The following LRIG2 variants were observed in gnomAD, a reference collection of about 807,000 sequenced individuals.
LRIG2 encodes the protein leucine rich repeats and immunoglobulin like domains 2.
In LRIG2, 93 loss-of-function variants were observed where a neutral mutation model predicts 107.8. That is an observed-to-expected ratio of 0.86 (90% CI 0.73 to 1.03). LRIG2 has a LOEUF of 1.03. Ranked by LOEUF, LRIG2 falls within the 50% of genes least tolerant of loss-of-function variation. The pLI is 0.00. For missense variants in LRIG2, 1,226 were observed against 1,296.0 expected (o/e 0.95, Z 0.83); for synonymous variants, 471 against 470.6 (o/e 1.00, Z -0.01).
intron 1 of LRIG2, among the ~76,000 whole-genome samples, chr1:113,085,730 G>A (rs1653518752): frequency 1.3e-5 from 2 of 152,298 alleles, no homozygotes; most frequent in Admixed American, 1.3e-4. Context: ...CTAACAGGAG[G>A]TGGGGTCTCC....
chr1:113,111,738 G>GT (rs1654783660), intron 13 of LRIG2, among the ~76,000 whole-genome samples: 3 of 151,960 alleles, frequency 2.0e-5, no homozygotes, highest in Non-Finnish European at 4.4e-5. Context: ...TTGCTTCTGT[G>GT]TTTTTTAATG....
At chr1:113,106,047 G>C (rs1288356806) in intron 11 of LRIG2, among the ~76,000 whole-genome samples, 1 of 152,112 alleles carries the variant, frequency 6.6e-6, no homozygotes, top group Non-Finnish European at 1.5e-5. Context: ...GGCCAATATG[G>C]TGAAACCCCG....
intron 2 of LRIG2, among the ~76,000 whole-genome samples, chr1:113,092,557 T>G (rs1001685959): frequency 4.4e-5 from 1 of 22,800 alleles, no homozygotes; most frequent in African/African-American, 5.5e-5. Flanking sequence ...ATGGACTGAT[T>G]ATGCCTTCTT....
intron 2 of LRIG2, 140 bp from the exon 3 acceptor site, chr1:113,093,066 T>A: frequency 1.7e-6 from 1 of 578,650 alleles, no homozygotes; most frequent in Non-Finnish European, 3.1e-6. Flanking sequence ...TACATTTTTA[T>A]TTTCGTCTAA....
intron 15 of LRIG2, 108 bp downstream of exon 15, chr1:113,114,984 C>T (rs568821224): frequency 7.4e-6 from 7 of 943,058 alleles, no homozygotes; most frequent in South Asian, 5.0e-5. Context: ...TAGCACATGC[C>T]TGTACTCCCA....
intron 17 of LRIG2, among the ~76,000 whole-genome samples, chr1:113,120,894 C>G (rs955617824): frequency 6.6e-6 from 1 of 151,240 alleles, no homozygotes; most frequent in South Asian, 2.1e-4. Context: ...TCTCAACTCA[C>G]TGCAACCTCT....
chr1:113,101,364 G>A (rs768336794), intron 11 of LRIG2, among the ~76,000 whole-genome samples: 2 of 151,914 alleles, frequency 1.3e-5, no homozygotes, highest in South Asian at 2.1e-4. Flanking sequence ...CACCGGTCCC[G>A]CCTGGTATTA....
intron 9 of LRIG2, among the ~76,000 whole-genome samples, chr1:113,099,929 G>T (rs1332542798): frequency 6.6e-6 from 1 of 152,146 alleles, no homozygotes; most frequent in Non-Finnish European, 1.5e-5. Flanking sequence ...GGTCAAGATG[G>T]TTGTTCACCT....
At chr1:113,074,252 A>T (rs1652853927) in intron 1 of LRIG2, among the ~76,000 whole-genome samples, 1 of 152,212 alleles carries the variant, frequency 6.6e-6, no homozygotes. Flanking sequence ...GATCTAATTT[A>T]AACTTCACTG....
intron 1 of LRIG2, 71 bp from the exon 2 acceptor site, chr1:113,091,247 T>G: frequency 1.9e-6 from 2 of 1,034,284 alleles, no homozygotes; most frequent in Non-Finnish European, 2.9e-6. Flanking sequence ...GTATTTCTAT[T>G]TAGTTTCTTT....
intron 2 of LRIG2, among the ~76,000 whole-genome samples, chr1:113,092,037 T>G (rs774022246): frequency 6.6e-6 from 1 of 152,230 alleles, no homozygotes; most frequent in Non-Finnish European, 1.5e-5. Context: ...AGGGATAACT[T>G]CTTCATGCTC....
At chr1:113,084,020 TAATAATAATAATAATAATAA>T (rs1653417375) in intron 1 of LRIG2, among the ~76,000 whole-genome samples, 1 of 139,132 alleles carries the variant, frequency 7.2e-6, no homozygotes, top group Admixed American at 7.8e-5. Flanking sequence ...ATAATAATAA[TAATAATAATAATAATAATAA>T]TATTGGCCTT....
At chr1:113,101,471 C>T (rs1654308168) in intron 11 of LRIG2, among the ~76,000 whole-genome samples, 1 of 152,232 alleles carries the variant, frequency 6.6e-6, no homozygotes, top group Non-Finnish European at 1.5e-5. Context: ...TCAAAGGATA[C>T]TCTGTGGAGC....
chr1:113,100,555 G>C, intron 11 of LRIG2, 67 bp downstream of exon 11: 1 of 913,498 alleles, frequency 1.1e-6, no homozygotes, highest in Non-Finnish European at 1.7e-6. Context: ...CTTAAAGTGT[G>C]ATGGGAGTGA....
intron 1 of LRIG2, among the ~76,000 whole-genome samples, chr1:113,078,878 G>C (rs1023116254): frequency 6.6e-6 from 1 of 152,106 alleles, no homozygotes; most frequent in Non-Finnish European, 1.5e-5. Context: ...AACCTCAGGT[G>C]ATCTGCCCAC....
intron 12 of LRIG2, 42 bp downstream of exon 12, chr1:113,107,799 T>C (rs545554964): frequency 3.1e-5 from 47 of 1,508,516 alleles, no homozygotes; most frequent in East Asian, 2.4e-4. Context: ...TACACACTTA[T>C]AATCTTAACA....
intron 4 of LRIG2, 96 bp downstream of exon 4, chr1:113,093,660 T>C (rs541149554): frequency 5.0e-5 from 30 of 595,202 alleles, no homozygotes; most frequent in South Asian, 4.9e-4. Flanking sequence ...CACTGGGAGA[T>C]ATACCTAATG....
At position 113,093,553 on chromosome 1, in the gene LRIG2, G is replaced by A; in HGVS notation, c.504G>A (p.Gln168=). The A allele has an allele frequency of 6.5e-7, 1 of 1,529,688 alleles. No individual in the cohort carries two copies. The allele number at this position is 1,529,688 out of a possible 1,614,324, so 94.8% of individuals were successfully genotyped here. A position where few individuals can be genotyped will look rare whatever the true frequency, so the allele number is the denominator to read the frequency against. The change falls in exon 4 of 18, where the codon CAG becomes CAA. Residue 168 remains glutamine, a synonymous_variant. Coordinates refer to ENST00000361127, the MANE Select transcript of LRIG2 (RefSeq NM_014813.3). ...AGACATCTTCATTTCCTCGCATGCA[G>A]CTTAAATACCTGTAAGTAACACAGA... ...EIKTSSFPRM[Q]LKYLNLSNNR...
At chr1:113,077,520 T>G (rs1653036681) in intron 1 of LRIG2, among the ~76,000 whole-genome samples, 1 of 152,198 alleles carries the variant, frequency 6.6e-6, no homozygotes. Flanking sequence ...ATATATATAC[T>G]TAGTTACCTA....
Sources: gnomAD v4.1 joint callset for allele counts (sites outside exome capture counted in the v4.1 genomes callset) on GRCh38, gnomAD v4.1.1 for gene constraint, MANE v1.5 for transcripts, NCBI Gene and HGNC (gene_info 2026-07-23, HGNC 2026-07-21) for gene names.